The following SOX5 variants were observed in gnomAD, a reference collection of about 807,000 sequenced individuals.
The protein encoded by SOX5 is transcription factor SOX-5.
A neutral mutation model predicts 92.0 loss-of-function variants in SOX5; 9 were observed. That is an observed-to-expected ratio of 0.10 (90% CI 0.06 to 0.17). SOX5 has a LOEUF of 0.17. SOX5 is among the 10% of genes least tolerant of loss of function. The pLI, the probability that SOX5 is intolerant of heterozygous loss-of-function variation, is 1.00. For synonymous variants in SOX5, 344 were observed against 336.3 expected (o/e 1.02, Z -0.25); for missense variants, 642 against 944.5 (o/e 0.68, Z 4.20).
chr12:24,094,830 C>A (rs1945124955), intron 4 of SOX5, among the ~76,000 whole-genome samples: 1 of 151,974 alleles, frequency 6.6e-6, no homozygotes, highest in Non-Finnish European at 1.5e-5. Flanking sequence ...CTACTCTGGC[C>A]CATAAGATTA....
chr12:23,547,825 G>C (rs1374271611), intron 11 of SOX5, among the ~76,000 whole-genome samples: 1 of 152,102 alleles, frequency 6.6e-6, no homozygotes, highest in Non-Finnish European at 1.5e-5. Context: ...ATTTAAAACT[G>C]TAGAATCTGA....
chr12:24,338,445 T>C (rs1952164409), intron 2 of SOX5, among the ~76,000 whole-genome samples: 1 of 152,128 alleles, frequency 6.6e-6, no homozygotes, highest in Admixed American at 6.6e-5. Flanking sequence ...TAAAGTGAAA[T>C]GTAGAAAAGT....
chr12:23,949,461 T>C, intron 1 of SOX5, 103 bp downstream of exon 1: 1 of 1,411,842 alleles, frequency 7.1e-7, no homozygotes, highest in Non-Finnish European at 1.0e-6. Flanking sequence ...TAAAGGCTTC[T>C]CTAACAAACA....
At chr12:24,509,856 A>T (rs1949143589) in intron 1 of SOX5, among the ~76,000 whole-genome samples, 1 of 152,248 alleles carries the variant, frequency 6.6e-6, no homozygotes, top group Non-Finnish European at 1.5e-5. Context: ...AAATAATTTC[A>T]GACAGATCAC....
intron 8 of SOX5, among the ~76,000 whole-genome samples, chr12:23,617,927 T>G (rs999092857): frequency 6.6e-6 from 1 of 152,216 alleles, no homozygotes; most frequent in Non-Finnish European, 1.5e-5. Context: ...ATAAGCCATC[T>G]TCGTGTACTG....
intron 3 of SOX5, among the ~76,000 whole-genome samples, chr12:23,832,905 T>C (rs1366813500): frequency 6.6e-6 from 1 of 151,892 alleles, no homozygotes; most frequent in Non-Finnish European, 1.5e-5. Context: ...TAAATATCTG[T>C]AAATTATCCC....
intron 1 of SOX5, among the ~76,000 whole-genome samples, chr12:24,502,780 G>T (rs1487404026): frequency 6.6e-6 from 1 of 152,168 alleles, no homozygotes; most frequent in Admixed American, 6.6e-5. Flanking sequence ...AAATGATCAA[G>T]ATTAGCATTA....
intron 3 of SOX5, among the ~76,000 whole-genome samples, chr12:24,231,292 A>T (rs1023304313): frequency 3.3e-5 from 5 of 152,226 alleles, no homozygotes; most frequent in African/African-American, 1.2e-4. Flanking sequence ...TGTTTAGAAT[A>T]ATCAGTGGAA....
chr12:23,631,616 T>C (rs969727538), intron 8 of SOX5, among the ~76,000 whole-genome samples: 5 of 152,080 alleles, frequency 3.3e-5, no homozygotes, highest in Admixed American at 3.3e-4. Context: ...CAGGATACTA[T>C]CAAGGAATGG....
intron 2 of SOX5, among the ~76,000 whole-genome samples, chr12:24,363,571 G>A (rs866558067): frequency 6.6e-6 from 1 of 152,080 alleles, no homozygotes; most frequent in South Asian, 2.1e-4. Context: ...TTACTCCTAG[G>A]ACAATCTAAT....
intron 13 of SOX5, among the ~76,000 whole-genome samples, chr12:23,537,130 G>A (rs1277476773): frequency 1.3e-5 from 2 of 151,966 alleles, no homozygotes; most frequent in South Asian, 4.1e-4. Flanking sequence ...TCCCCAAAAT[G>A]TTTAAGTATT....
intron 4 of SOX5, among the ~76,000 whole-genome samples, chr12:24,008,344 A>T (rs575777139): frequency 6.6e-6 from 1 of 152,278 alleles, no homozygotes; most frequent in South Asian, 2.1e-4. Context: ...AGAACCGACT[A>T]TTATGATTGT....
Position 24,253,253 on chromosome 12 carries a change from G to GAGAA in SOX5, c.-77+23959_-77+23962dup, listed in dbSNP as rs556878652. Among the ~76,000 whole-genome samples the GAGAA allele has an allele frequency of 2.2e-3, 326 of 149,814 alleles. 2 individuals are homozygous for GAGAA. Among genetic ancestry groups the GAGAA allele is most frequent in the Non-Finnish European group, 3.2e-3 (217 of 67,638 alleles). On this transcript the variant is annotated intron_variant, in intron 3 of 4. Transcript: ENST00000446891. ...GTTCAGCTCCTCATAAAAATCATCA[G>GAGAA]AGAAGCACGTGCACATCTTTTTTTT... is the stretch of plus-strand genomic sequence containing the variant.
intron 6 of SOX5, among the ~76,000 whole-genome samples, chr12:23,692,323 G>C (rs1164480356): frequency 1.3e-5 from 2 of 151,650 alleles, no homozygotes; most frequent in African/African-American, 4.8e-5. Context: ...TGTAATCCCA[G>C]CTACTCGGGA....
intron 3 of SOX5, among the ~76,000 whole-genome samples, chr12:23,828,088 C>T (rs1209235068): frequency 6.6e-6 from 1 of 152,124 alleles, no homozygotes; most frequent in African/African-American, 2.4e-5. Flanking sequence ...ATTATAATAC[C>T]ATATTTCTAC....
rs1944342886 is a variant in SOX5, at chr12:23,552,233, A to G, written c.1489-5809T>C. Among the ~76,000 whole-genome samples the G allele has an allele frequency of 3.3e-5, 5 of 152,048 alleles. No individual in the cohort carries two copies. The South Asian group carries it at 1.0e-3, about 31-fold the overall frequency. On this transcript the variant is annotated intron_variant, in intron 11 of 14. Coordinates refer to ENST00000451604, the MANE Select transcript of SOX5 (RefSeq NM_006940.6). ...TTTAGCACTTAATGTATACTCCAGA[A>G]AAGATGGGGCTACCTATAAAGATTA...
intron 1 of SOX5, among the ~76,000 whole-genome samples, chr12:24,385,848 A>G (rs1392678177): frequency 6.9e-6 from 1 of 145,658 alleles, no homozygotes; most frequent in Admixed American, 7.2e-5. Flanking sequence ...AGGAGGATCA[A>G]TTGAGCCCGG....
chr12:23,872,532 T>C (rs561736307), intron 2 of SOX5, among the ~76,000 whole-genome samples: 214 of 152,046 alleles, frequency 1.4e-3, no homozygotes, highest in African/African-American at 4.9e-3. Flanking sequence ...ATTCAAAAAA[T>C]AGAAAACTAT....
intron 6 of SOX5, among the ~76,000 whole-genome samples, chr12:23,716,153 C>G (rs1045602954): frequency 7.9e-5 from 12 of 152,084 alleles, no homozygotes; most frequent in Admixed American, 7.9e-4. Flanking sequence ...ACTTAGTGTG[C>G]TTATATGCAA....
Sources: gnomAD v4.1 joint callset for allele counts (sites outside exome capture counted in the v4.1 genomes callset) on GRCh38, gnomAD v4.1.1 for gene constraint, MANE v1.5 for transcripts, NCBI Gene and HGNC (gene_info 2026-07-23, HGNC 2026-07-21) for gene names.